The following EYA2 variants were observed in gnomAD, a reference collection of about 807,000 sequenced individuals.
EYA2 encodes EYA transcriptional coactivator and phosphatase 2.
EYA2 carries 31 observed loss-of-function variants against 69.2 expected under a neutral mutation model. The ratio of observed to expected loss-of-function variants is 0.45; its 90% CI spans 0.34 to 0.60. The LOEUF (loss-of-function observed/expected upper bound fraction) is 0.60, where lower values mean the gene tolerates loss of function less well. Among genes scored for constraint, EYA2 ranks in the 20% least tolerant of loss-of-function variants. The pLI is 0.02. For synonymous variants in EYA2, 257 were observed against 279.4 expected, an observed-to-expected ratio of 0.92 and a Z score of 0.80; for missense variants, 622 against 701.2, an observed-to-expected ratio of 0.89 and a Z score of 1.28.
At chr20:47,098,873 G>GC (rs1207348779) in intron 9 of EYA2, among the ~76,000 whole-genome samples, 1 of 152,208 alleles carries the variant, frequency 6.6e-6, no homozygotes, top group Non-Finnish European at 1.5e-5. Flanking sequence ...TTCATGAGTA[G>GC]CCTCCTGCCC....
chr20:46,932,971 G>A (rs1568673010), intron 1 of EYA2, among the ~76,000 whole-genome samples: 1 of 152,106 alleles, frequency 6.6e-6, no homozygotes, highest in Admixed American at 6.6e-5. Flanking sequence ...GATGTGTCTT[G>A]CTTCCCCTTT....
intron 10 of EYA2, among the ~76,000 whole-genome samples, chr20:47,163,655 A>G (rs1250875449): frequency 7.3e-6 from 1 of 136,090 alleles, no homozygotes; most frequent in African/African-American, 2.7e-5. Flanking sequence ...CCGAGACTGC[A>G]CCATTACACT....
At chr20:47,107,694 AAAAAC>A (rs558866482) in intron 9 of EYA2, among the ~76,000 whole-genome samples, 1 of 151,748 alleles carries the variant, frequency 6.6e-6, no homozygotes, top group Non-Finnish European at 1.5e-5. Context: ...GAGAGAAAGA[AAAAAC>A]AAAAGAGAAG....
intron 7 of EYA2, among the ~76,000 whole-genome samples, chr20:47,080,079 T>C (rs1011696564): frequency 2.6e-4 from 39 of 152,312 alleles, no homozygotes; most frequent in Non-Finnish European, 5.3e-4. Flanking sequence ...TAAATATTAA[T>C]ATCTTCTGGG....
At chr20:47,005,903 C>G (rs1315134525) in intron 4 of EYA2, among the ~76,000 whole-genome samples, 3 of 152,206 alleles carry the variant, frequency 2.0e-5, no homozygotes, top group Admixed American at 6.5e-5. Context: ...AACCAAAGCC[C>G]TTTTAGTAGC....
intron 5 of EYA2, among the ~76,000 whole-genome samples, chr20:47,048,008 T>C (rs762726548): frequency 4.8e-5 from 7 of 146,606 alleles, no homozygotes; most frequent in Non-Finnish European, 9.0e-5. Flanking sequence ...TGTGATTATA[T>C]TGGGCTCACT....
intron 2 of EYA2, among the ~76,000 whole-genome samples, chr20:46,996,930 A>C (rs1410736159): frequency 9.9e-5 from 15 of 151,756 alleles, no homozygotes; most frequent in Admixed American, 9.8e-4. Context: ...ACCAAGTGGC[A>C]GTAGAGGTGG....
chr20:46,926,283 G>A (rs916013695), intron 1 of EYA2, among the ~76,000 whole-genome samples: 6 of 152,290 alleles, frequency 3.9e-5, no homozygotes, highest in Admixed American at 2.0e-4. Flanking sequence ...ATAAAGGATT[G>A]GTTCATGCAG....
intron 1 of EYA2, among the ~76,000 whole-genome samples, chr20:46,925,307 G>A (rs577781620): frequency 6.6e-6 from 1 of 152,282 alleles, no homozygotes; most frequent in South Asian, 2.1e-4. Context: ...GCACTCAAGG[G>A]CTAGGAAAGA....
At chr20:47,005,189 C>A in intron 4 of EYA2, 105 bp downstream of exon 4, 2 of 1,319,780 alleles carry the variant, frequency 1.5e-6, no homozygotes, top group Non-Finnish European at 2.1e-6. Context: ...CACAACCAAG[C>A]TGATTTTGGA....
chr20:47,092,413 G>C (rs959809545), intron 8 of EYA2, among the ~76,000 whole-genome samples: 1 of 152,152 alleles, frequency 6.6e-6, no homozygotes, highest in Non-Finnish European at 1.5e-5. Flanking sequence ...GTGGGTTTAG[G>C]CCTTTGCAAA....
intron 8 of EYA2, among the ~76,000 whole-genome samples, chr20:47,091,811 A>T (rs1222753109): frequency 6.6e-6 from 1 of 152,212 alleles, no homozygotes; most frequent in African/African-American, 2.4e-5. Context: ...CAATGAGAGG[A>T]GGCCGTAAAA....
At chr20:46,897,856 C>T (rs1983889352) in intron 1 of EYA2, among the ~76,000 whole-genome samples, 1 of 152,098 alleles carries the variant, frequency 6.6e-6, no homozygotes, top group African/African-American at 2.4e-5. Flanking sequence ...CTGGGCAGGC[C>T]TCCTTCATAC....
intron 5 of EYA2, among the ~76,000 whole-genome samples, chr20:47,036,433 A>G (rs757841903): frequency 4.6e-5 from 7 of 152,324 alleles, no homozygotes; most frequent in Non-Finnish European, 8.8e-5. Flanking sequence ...GTCGTTTCCA[A>G]TCAGCCCAGG....
intron 10 of EYA2, chr20:47,160,910 GTGAATTCCTGACC>G (rs1394850451): frequency 4.2e-6 from 1 of 240,754 alleles, no homozygotes; most frequent in Non-Finnish European, 8.3e-6. Context: ...AAGGTAGTCA[GTGAATTCCTGACC>G]TGAATTCCTG....
intron 5 of EYA2, among the ~76,000 whole-genome samples, chr20:47,019,238 A>G (rs926779355): frequency 1.4e-4 from 21 of 152,182 alleles, no homozygotes; most frequent in African/African-American, 4.8e-4. Context: ...TTCTCGCCCT[A>G]CCATGGGAAT....
intron 11 of EYA2, among the ~76,000 whole-genome samples, chr20:47,170,095 G>A (rs1342694669): frequency 1.3e-5 from 2 of 151,282 alleles, no homozygotes; most frequent in East Asian, 2.0e-4. Flanking sequence ...TTTAGTAGAG[G>A]CGGGGTTTCA....
intron 10 of EYA2, among the ~76,000 whole-genome samples, chr20:47,166,795 G>A (rs145622462): frequency 7.9e-5 from 12 of 152,182 alleles, no homozygotes; most frequent in Admixed American, 1.3e-4. Flanking sequence ...CCATTTATCA[G>A]TCAGGCCTCT....
rs149821544 is a variant in EYA2 at position 46,961,056 on chromosome 20, C to T, written c.-10-28945C>T. Among the ~76,000 whole-genome samples, 710 of 152,286 alleles carry T rather than the reference C, an allele frequency of 4.7e-3. 6 individuals are homozygous for T. Among genetic ancestry groups the T allele is most frequent in the African/African-American group, 0.017 (688 of 41,548 alleles). ...ATTATCAAAAAGACCAAAATAAGGC[C>T]GAGCACAGTGGCTCATGCCTGTAAT... On this transcript the variant is annotated intron_variant, in intron 1 of 15. Transcript: ENST00000327619.
Sources: gnomAD v4.1 joint callset for allele counts (sites outside exome capture counted in the v4.1 genomes callset) on GRCh38, gnomAD v4.1.1 for gene constraint, MANE v1.5 for transcripts, NCBI Gene and HGNC (gene_info 2026-07-23, HGNC 2026-07-21) for gene names.